ZMYM1: variants seen among roughly 807,000 people sequenced by gnomAD.
ZMYM1 encodes the protein zinc finger MYM-type protein 1.
A neutral mutation model predicts 60.0 loss-of-function variants in ZMYM1; 39 were observed. The ratio of observed to expected loss-of-function variants is 0.65; its 90% CI spans 0.50 to 0.85. The LOEUF (loss-of-function observed/expected upper bound fraction) is 0.85. Among genes scored for constraint, ZMYM1 ranks in the 40% least tolerant of loss-of-function variants. The pLI is 0.00. For synonymous variants in ZMYM1, 413 were observed against 454.0 expected (o/e 0.91, Z 1.15); for missense variants, 1,171 against 1,309.5 (o/e 0.89, Z 1.63).
At chr1:35,108,346 G>A (rs1319982327) in intron 6 of ZMYM1, among the ~76,000 whole-genome samples, 1 of 147,066 alleles carries the variant, frequency 6.8e-6, no homozygotes, top group Non-Finnish European at 1.5e-5. Context: ...GGTGGGTTTT[G>A]TTTTGTTTTG....
rs1641992672 is a variant in ZMYM1 at position 35,067,557 on chromosome 1, A to C, written c.-301+7632A>C. Reference sequence around the variant, plus strand: ...ATACTGCTCAGGTGATGGGTTCACCAAAATCTCACAAATCACCACTAAAGA... The same window carrying C: ...ATACTGCTCAGGTGATGGGTTCACCCAAATCTCACAAATCACCACTAAAGA... On this transcript the variant is annotated intron_variant, in intron 1 of 10. Transcript: ENST00000417119. Among the ~76,000 whole-genome samples the C allele has an allele frequency of 3.9e-5, 6 of 152,114 alleles. No homozygotes were observed. The South Asian group carries it at 1.2e-3, about 32-fold the overall frequency.
chr1:35,110,583 G>A, intron 7 of ZMYM1, 136 bp downstream of exon 7: 1 of 776,564 alleles, frequency 1.3e-6, no homozygotes, highest in Non-Finnish European at 1.8e-6. Context: ...TTGTTGCAAA[G>A]AACTGTTTTT....
chr1:35,112,944 T>C (rs760641486), intron 9 of ZMYM1, 33 bp from the exon 10 acceptor site: 1 of 1,475,376 alleles, frequency 6.8e-7, no homozygotes. Flanking sequence ...TTTTGAAAAC[T>C]GTTAAATGTT....
intron 1 of ZMYM1, among the ~76,000 whole-genome samples, chr1:35,088,737 CTCT>C (rs1553139437): frequency 2.0e-5 from 3 of 150,472 alleles, no homozygotes; most frequent in East Asian, 1.9e-4. Flanking sequence ...ACATGTTTTG[CTCT>C]TCTTATAGCC....
rs1232846842 is a variant in ZMYM1 at position 35,094,076 on chromosome 1, A to G, written c.89A>G (p.Asn30Ser). 1 of 1,608,356 alleles carries G rather than the reference A, an allele frequency of 6.2e-7. No individual in the cohort carries two copies. Among genetic ancestry groups the G allele is most frequent in the East Asian group, 2.2e-5 (1 of 44,620 alleles). Residue 30 changes from asparagine to serine, a missense_variant, in exon 2 of 10, where the codon AAT (asparagine) becomes AGT (serine). Physicochemically the swap from Asn to Ser is conservative, Grantham distance 46. Coordinates refer to ENST00000359858, the MANE Select transcript of ZMYM1 (RefSeq NM_024772.5). ...LLDEIKTEPDNAQEYCHRQQS... is the reference protein window; with the variant it reads ...LLDEIKTEPDSAQEYCHRQQS... The stretch of plus-strand genomic sequence containing the variant: ...GATGAAATTAAGACAGAACCCGACA[A>G]TGCTCAAGTAAATATTTTCCCTTAT...
In ZMYM1 at chr1:35,110,443, T is replaced by C; in HGVS notation, c.957T>C (p.Ser319=). 6.7e-7 allele frequency: 1 copy of C among 1,501,096 alleles called. No individual in the cohort carries two copies. The highest frequency in any genetic ancestry group is 8.9e-7 in the Non-Finnish European group (1 of 1,128,776). The allele number at this position is 1,501,096 out of a possible 1,614,324, so 93.0% of individuals were successfully genotyped here. A position where few individuals can be genotyped will look rare whatever the true frequency, so the allele number is the denominator to read the frequency against. Residue 319 remains serine, a synonymous_variant, in exon 7 of 10, where the codon TCT becomes TCC. Transcript: ENST00000359858. ...SAYSKAKMES[S]SVSVVSVVHD... ...ACAGTAAAGCTAAGATGGAATCTTC[T>C]TCAGGTAATGTTTGTTTAGCAATTG...
At chr1:35,095,259 C>A (rs2148517348) in intron 2 of ZMYM1, among the ~76,000 whole-genome samples, 1 of 151,764 alleles carries the variant, frequency 6.6e-6, no homozygotes, top group East Asian at 1.9e-4. Flanking sequence ...CCTGTAATCC[C>A]AGCATTTTGG....
Position 35,113,119 on chromosome 1 carries a change from C to A in ZMYM1, c.1289C>A (p.Ser430Tyr), listed in dbSNP as rs1644151860. ...STEVQKDNMK[S>Y]MKISDELCHP... Reference sequence around the variant, plus strand: ...GAAGTACAAAAAGACAATATGAAATCTATGAAAATAAGTGATGAACTATGT... The same window carrying A: ...GAAGTACAAAAAGACAATATGAAATATATGAAAATAAGTGATGAACTATGT... Residue 430 changes from serine (S) to tyrosine (Y), a missense_variant, in exon 10 of 10, where the codon TCT becomes TAT. Physicochemically the swap from Ser to Tyr is moderately radical, Grantham distance 144. Coordinates refer to ENST00000359858, the MANE Select transcript of ZMYM1 (RefSeq NM_024772.5). The A allele has an allele frequency of 6.2e-7, 1 of 1,613,876 alleles. No individual in the cohort carries two copies. Among genetic ancestry groups the A allele is most frequent in the South Asian group, 1.1e-5 (1 of 91,054 alleles).
At chr1:35,075,210 C>T (rs968444098), upstream of ZMYM1, among the ~76,000 whole-genome samples, 1 of 152,144 alleles carries the variant, frequency 6.6e-6, no homozygotes, top group African/African-American at 2.4e-5. Flanking sequence ...GCTACTCCTG[C>T]TTACTTTTGG....
At chr1:35,080,077 C>T (rs1449726801) in intron 1 of ZMYM1, among the ~76,000 whole-genome samples, 1 of 142,896 alleles carries the variant, frequency 7.0e-6, no homozygotes, top group Non-Finnish European at 1.5e-5. Flanking sequence ...TGCCACTGCA[C>T]TCCAGAGCGA....
chr1:35,106,789 T>C (rs920380093), intron 6 of ZMYM1, among the ~76,000 whole-genome samples: 3 of 151,956 alleles, frequency 2.0e-5, no homozygotes, highest in South Asian at 2.1e-4. Flanking sequence ...ATTCCTTTTT[T>C]TTTCTTTCTT....
At chr1:35,094,491 A>G (rs1035086388) in intron 2 of ZMYM1, among the ~76,000 whole-genome samples, 7 of 152,200 alleles carry the variant, frequency 4.6e-5, no homozygotes, top group Admixed American at 4.6e-4. Flanking sequence ...CATATCACTA[A>G]AGAACCTATA....
chr1:35,094,195 A>G, intron 2 of ZMYM1, 112 bp downstream of exon 2: 1 of 808,642 alleles, frequency 1.2e-6, no homozygotes, highest in Non-Finnish European at 1.9e-6. Flanking sequence ...ATCTCCTCCA[A>G]AGCAGTTAAT....
intron 1 of ZMYM1, among the ~76,000 whole-genome samples, chr1:35,072,413 T>A (rs945594473): frequency 1.3e-5 from 2 of 152,162 alleles, no homozygotes; most frequent in East Asian, 3.9e-4. Context: ...TTCTTTTTCA[T>A]CTGTCATTTT....
intron 4 of ZMYM1, among the ~76,000 whole-genome samples, chr1:35,101,012 A>G (rs1383376822): frequency 1.3e-5 from 2 of 151,960 alleles, no homozygotes; most frequent in Non-Finnish European, 2.9e-5. Flanking sequence ...CATGTTGTCC[A>G]GACTGGTCTT....
intron 4 of ZMYM1, among the ~76,000 whole-genome samples, chr1:35,099,005 T>C (rs971740154): frequency 3.3e-5 from 5 of 152,236 alleles, no homozygotes; most frequent in Admixed American, 1.3e-4. Flanking sequence ...AGAACTTCTT[T>C]GTTACTTAGT....
intron 6 of ZMYM1, among the ~76,000 whole-genome samples, chr1:35,106,815 A>G (rs998495958): frequency 6.6e-6 from 1 of 151,526 alleles, no homozygotes; most frequent in African/African-American, 2.4e-5. Context: ...TTGACACTCA[A>G]TAGGCCTTGT....
At chr1:35,074,279 C>T (rs1319941441) in intron 1 of ZMYM1, among the ~76,000 whole-genome samples, 1 of 152,036 alleles carries the variant, frequency 6.6e-6, no homozygotes, top group Non-Finnish European at 1.5e-5. Context: ...GTTTTGTGGC[C>T]TAATATATGG....
intron 1 of ZMYM1, among the ~76,000 whole-genome samples, chr1:35,092,117 G>T (rs1643046745): frequency 6.6e-6 from 1 of 152,080 alleles, no homozygotes; most frequent in Admixed American, 6.6e-5. Flanking sequence ...GTAGAGACAG[G>T]GTTTTGCCAT....
Sources: gnomAD v4.1 joint callset for allele counts (sites outside exome capture counted in the v4.1 genomes callset) on GRCh38, gnomAD v4.1.1 for gene constraint, MANE v1.5 for transcripts, NCBI Gene and HGNC (gene_info 2026-07-23, HGNC 2026-07-21) for gene names.